HECW1: variants seen among roughly 807,000 people sequenced by gnomAD.
HECW1 encodes the protein E3 ubiquitin-protein ligase HECW1.
In HECW1, 61 loss-of-function variants were observed where a neutral mutation model predicts 182.3. The ratio of observed to expected loss-of-function variants is 0.33; its 90% CI spans 0.27 to 0.41. HECW1 has a LOEUF of 0.41. Ranked by LOEUF, HECW1 falls within the 10% of genes least tolerant of loss-of-function variation. HECW1 has a pLI of 1.00. For missense variants in HECW1, 1,739 were observed against 2,108.9 expected (o/e 0.82, Z 3.44); for synonymous variants, 859 against 832.6 (o/e 1.03, Z -0.55).
intron 17 of HECW1, among the ~76,000 whole-genome samples, chr7:43,487,087 A>G (rs915261293): frequency 7.9e-5 from 12 of 152,224 alleles, no homozygotes. Flanking sequence ...ACACAGAAGG[A>G]ATCTAGAGAG....
In HECW1 at chr7:43,311,876, G is replaced by A; in HGVS notation, c.141G>A (p.Gln47=). Residue 47 remains glutamine, a synonymous_variant, in exon 4 of 30, where the codon CAG becomes CAA. Transcript: ENST00000395891. The part of the protein sequence containing the change: ...EPLRYSYNPD[Q]FHNMDLRGGP... ...TCCGATACAGCTACAACCCCGACCA[G>A]TTCCACAACATGGACCTCAGGGGCG... 3 of 1,614,242 alleles carry A rather than the reference G, an allele frequency of 1.9e-6. No homozygotes were observed. The highest frequency in any genetic ancestry group is 2.5e-6 in the Non-Finnish European group (3 of 1,180,050).
chr7:43,203,901 T>C (rs1379070924), intron 2 of HECW1, among the ~76,000 whole-genome samples: 1 of 152,274 alleles, frequency 6.6e-6, no homozygotes, highest in Non-Finnish European at 1.5e-5. Flanking sequence ...CAATTCTTGC[T>C]ATTATGTAAT....
chr7:43,479,654 C>T lies in HECW1; in HGVS notation c.3144C>T (p.Asp1048=). 6.2e-7 allele frequency: 1 copy of T among 1,614,018 alleles called. No individual in the cohort carries two copies. The highest frequency in any genetic ancestry group is 8.5e-7 in the Non-Finnish European group (1 of 1,179,954). Residue 1048 remains aspartate (D), a synonymous_variant, in exon 17 of 30, where the codon GAC becomes GAT. Transcript: ENST00000395891. ...DHNSRATTFI[D]PRIPLQNGRL... ...ACAGTCGAGCTACCACTTTCATTGA[C>T]CCCCGAATCCCTCTTCAGAACGGTC... is the stretch of plus-strand genomic sequence containing the variant.
intron 2 of HECW1, among the ~76,000 whole-genome samples, chr7:43,116,020 G>C (rs1473050682): frequency 6.6e-6 from 1 of 152,046 alleles, no homozygotes; most frequent in Admixed American, 6.6e-5. Flanking sequence ...GTGGATTTCA[G>C]GTCATAAAAA....
chr7:43,452,821 A>G (rs2077278290), intron 12 of HECW1, among the ~76,000 whole-genome samples: 4 of 152,354 alleles, frequency 2.6e-5, no homozygotes, highest in Admixed American at 2.0e-4. Flanking sequence ...TGAGAAGACA[A>G]CACCTGAGGG....
intron 24 of HECW1, among the ~76,000 whole-genome samples, chr7:43,513,656 G>GAA (rs58684658): frequency 2.9e-4 from 43 of 150,234 alleles, no homozygotes; most frequent in Middle Eastern, 3.4e-3. Flanking sequence ...AAGTAAGCTG[G>GAA]AAAAAAAAAC....
intron 17 of HECW1, among the ~76,000 whole-genome samples, chr7:43,491,114 AT>A (rs1368354057): frequency 6.6e-6 from 1 of 152,222 alleles, no homozygotes; most frequent in Non-Finnish European, 1.5e-5. Flanking sequence ...TAAGCAAGTT[AT>A]TTATCTCTGA....
intron 3 of HECW1, among the ~76,000 whole-genome samples, chr7:43,244,747 C>T (rs749477077): frequency 5.3e-5 from 8 of 152,122 alleles, no homozygotes; most frequent in Non-Finnish European, 1.0e-4. Context: ...CTGTGCTGCT[C>T]GGGTAATACT....
At chr7:43,430,796 T>TATTATTATTATTATTATTATC (rs2076524874) in intron 8 of HECW1, among the ~76,000 whole-genome samples, 1 of 150,294 alleles carries the variant, frequency 6.7e-6, no homozygotes, top group East Asian at 1.9e-4. Context: ...TTATTATTAT[T>TATTATTATTATTATTATTATC]ATTGAGATGG....
chr7:43,125,757 T>TAAAAAAAA (rs57874835), intron 2 of HECW1, among the ~76,000 whole-genome samples: 13,779 of 85,530 alleles, frequency 0.16, 1,338 homozygotes, highest in Non-Finnish European at 0.19. Context: ...GATTCTGTCT[T>TAAAAAAAA]AAAAAAAAAA....
At chr7:43,388,254 CTT>C (rs1177422356) in intron 6 of HECW1, among the ~76,000 whole-genome samples, 1 of 152,200 alleles carries the variant, frequency 6.6e-6, no homozygotes, top group Non-Finnish European at 1.5e-5. Flanking sequence ...TTATTTATCT[CTT>C]TGTAAAGAAG....
rs2082249883 is a variant in HECW1, at chr7:43,562,988, T to A, written c.*1062T>A. 9.8e-6 allele frequency: 2 copies of A among 203,174 alleles called. No individual in the cohort carries two copies. The highest frequency in any genetic ancestry group is 4.6e-5 in the African/African-American group (2 of 43,720). The allele number at this position is 203,174 out of a possible 1,614,324, so 12.6% of individuals were successfully genotyped here. ...GCAGACAAACCCTTTTTTTAAAACT[T>A]TGATATTTTTTTTTCACATTTTTTT... On this transcript the variant is annotated 3_prime_UTR_variant, in exon 30 of 30. Transcript: ENST00000395891.
At chr7:43,164,698 G>C (rs1401340185) in intron 2 of HECW1, among the ~76,000 whole-genome samples, 1 of 152,226 alleles carries the variant, frequency 6.6e-6, no homozygotes, top group African/African-American at 2.4e-5. Flanking sequence ...GGTGTGGAGG[G>C]AGGGAGAAGC....
chr7:43,515,262 T>C (rs1243038346), intron 24 of HECW1, among the ~76,000 whole-genome samples: 1 of 151,534 alleles, frequency 6.6e-6, no homozygotes, highest in Admixed American at 6.6e-5. Flanking sequence ...TCCCAGGCGT[T>C]TGGGTTTTGT....
At chr7:43,354,506 T>C (rs1814860907) in intron 5 of HECW1, among the ~76,000 whole-genome samples, 1 of 152,136 alleles carries the variant, frequency 6.6e-6, no homozygotes, top group South Asian at 2.1e-4. Flanking sequence ...CTGAGAAATA[T>C]ATTTGCTGAA....
intron 6 of HECW1, among the ~76,000 whole-genome samples, chr7:43,390,234 T>C (rs1301958929): frequency 6.6e-6 from 1 of 151,990 alleles, no homozygotes; most frequent in Non-Finnish European, 1.5e-5. Flanking sequence ...GGCTTGGTGA[T>C]GGTGGCATCA....
At chr7:43,490,365 A>C (rs1166773313) in intron 17 of HECW1, among the ~76,000 whole-genome samples, 2 of 152,136 alleles carry the variant, frequency 1.3e-5, no homozygotes, top group Non-Finnish European at 2.9e-5. Flanking sequence ...CTGAGTGAGG[A>C]CCACCCCATT....
At position 43,124,066 on chromosome 7, in the gene HECW1, A is replaced by G. The variant is rs144967392; in HGVS notation, c.-32+9675A>G. 1.3e-3 allele frequency among the ~76,000 whole-genome samples: 201 copies of G among 152,338 alleles called. 4 individuals are homozygous for G. Among genetic ancestry groups the G allele is most frequent in the Admixed American group, 0.011 (174 of 15,294 alleles). ...AACTGAAGGGAAGCATCAAGCTCTAAGATAGAAAACCTTCATTCTGTGCTC... is the reference window on the plus strand; with the variant it reads ...AACTGAAGGGAAGCATCAAGCTCTAGGATAGAAAACCTTCATTCTGTGCTC... On this transcript the variant is annotated intron_variant, in intron 2 of 29. Transcript: ENST00000395891.
intron 3 of HECW1, among the ~76,000 whole-genome samples, chr7:43,287,152 G>A (rs749844307): frequency 2.0e-5 from 3 of 152,216 alleles, no homozygotes; most frequent in Non-Finnish European, 4.4e-5. Context: ...TTTGTTTTCA[G>A]TGGTGTTAAA....
Sources: gnomAD v4.1 joint callset for allele counts (sites outside exome capture counted in the v4.1 genomes callset) on GRCh38, gnomAD v4.1.1 for gene constraint, MANE v1.5 for transcripts, NCBI Gene and HGNC (gene_info 2026-07-23, HGNC 2026-07-21) for gene names.